Variants in BMERB1 observed in about 807,000 individuals in gnomAD.
BMERB1 encodes the protein bMERB domain containing 1, also known as bMERB domain-containing protein 1.
A neutral mutation model predicts 23.6 loss-of-function variants in BMERB1; 12 were observed. The observed-to-expected ratio is 0.51, with a 90% CI of 0.33 to 0.82. The LOEUF is 0.82. Among genes scored for constraint, BMERB1 ranks in the 40% least tolerant of loss-of-function variants. BMERB1 has a pLI of 0.03. For missense variants in BMERB1, 247 were observed against 255.4 expected, an observed-to-expected ratio of 0.97 and a Z score of 0.22; for synonymous variants, 122 against 96.6, an observed-to-expected ratio of 1.26 and a Z score of -1.54.
In BMERB1 at chr16:15,481,373, A is replaced by G. The variant is rs572731850; in HGVS notation, c.107-33932A>G. Among the ~76,000 whole-genome samples, 1,430 of 152,220 alleles carry G rather than the reference A, an allele frequency of 9.4e-3. 9 individuals are homozygous for G. The highest frequency in any genetic ancestry group is 0.017 in the Non-Finnish European group (1,176 of 68,000). On this transcript the variant is annotated intron_variant, in intron 1 of 5. Coordinates refer to ENST00000300006, the MANE Select transcript of BMERB1 (RefSeq NM_033201.3). ...AACCCCGTCTCTGCTAAAAATACAA[A>G]AAAATTAGCTGGGTGTGGTGGTGGG... is the stretch of plus-strand genomic sequence containing the variant.
At chr16:15,550,747 TGTA>T (rs2030065966) in intron 2 of BMERB1, among the ~76,000 whole-genome samples, 1 of 152,188 alleles carries the variant, frequency 6.6e-6, no homozygotes, top group Non-Finnish European at 1.5e-5. Context: ...GGCAGTCTGT[TGTA>T]GTGGCAATTG....
intron 1 of BMERB1, among the ~76,000 whole-genome samples, chr16:15,480,430 C>T (rs1481498251): frequency 4.0e-5 from 6 of 151,370 alleles, no homozygotes; most frequent in African/African-American, 1.5e-4. Context: ...ATTTTATTTT[C>T]ATTTTCTCAT....
chr16:15,560,820 TAAA>T (rs2030395541), intron 2 of BMERB1, among the ~76,000 whole-genome samples: 1 of 151,462 alleles, frequency 6.6e-6, no homozygotes, highest in Non-Finnish European at 1.5e-5. Flanking sequence ...AATAAATAAA[TAAA>T]AATAAAAACT....
Position 15,502,647 on chromosome 16 carries a change from G to C in BMERB1, c.107-12658G>C, listed in dbSNP as rs944534743. On this transcript the variant is annotated intron_variant, in intron 1 of 5. Transcript: ENST00000300006. Reference sequence around the variant, plus strand: ...ACAACGAAGTCTAGAGTGCCACCAGGAGCCTTTGAAATGCATTCAGATATT... The same window carrying C: ...ACAACGAAGTCTAGAGTGCCACCAGCAGCCTTTGAAATGCATTCAGATATT... Among the ~76,000 whole-genome samples the C allele has an allele frequency of 1.1e-4, 17 of 152,236 alleles. 1 individual carries two copies. The highest frequency in any genetic ancestry group is 6.8e-3 in the Middle Eastern group (2 of 294).
At chr16:15,479,665 C>T (rs1486965713) in intron 1 of BMERB1, among the ~76,000 whole-genome samples, 4 of 152,012 alleles carry the variant, frequency 2.6e-5, no homozygotes, top group Middle Eastern at 3.4e-3. Context: ...GACATTGAAA[C>T]GATTTGCAAA....
At position 15,486,201 on chromosome 16, in the gene BMERB1, C is replaced by CAAA. The variant is rs35607256; in HGVS notation, c.107-29089_107-29087dup. Among the ~76,000 whole-genome samples the CAAA allele has an allele frequency of 6.0e-4, 63 of 104,250 alleles. 1 individual carries two copies. The highest frequency in any genetic ancestry group is 1.1e-3 in the Admixed American group (11 of 10,466). 68.4% of individuals were successfully genotyped at this position (104,250 alleles called of 152,430 possible). A position where few individuals can be genotyped will look rare whatever the true frequency, so the allele number is the denominator to read the frequency against. ...TGGGCAACAGAGCAAGACTCCATCT[C>CAAA]AAAAAAAAAAAAAAAAAGCCAGGTT... On this transcript the variant is annotated intron_variant, in intron 1 of 5. Transcript: ENST00000300006.
At chr16:15,548,027 C>T (rs917104946) in intron 2 of BMERB1, among the ~76,000 whole-genome samples, 2 of 152,124 alleles carry the variant, frequency 1.3e-5, no homozygotes, top group East Asian at 3.9e-4. Flanking sequence ...GTTTGTCGCC[C>T]GGGCTGGAGC....
intron 5 of BMERB1, 21 bp downstream of exon 5, chr16:15,583,259 T>G: frequency 6.5e-7 from 1 of 1,533,706 alleles, no homozygotes; most frequent in Non-Finnish European, 9.0e-7. Context: ...ACATTATTCA[T>G]TCCCCTCCCC....
intron 1 of BMERB1, among the ~76,000 whole-genome samples, chr16:15,467,188 A>G (rs1318649019): frequency 6.6e-6 from 1 of 152,154 alleles, no homozygotes; most frequent in Admixed American, 6.6e-5. Context: ...ATAAGTTTTC[A>G]TTTCTCTGAG....
At chr16:15,555,301 T>G (rs2030221901) in intron 2 of BMERB1, among the ~76,000 whole-genome samples, 1 of 152,298 alleles carries the variant, frequency 6.6e-6, no homozygotes, top group East Asian at 1.9e-4. Context: ...CTCGAACTCC[T>G]GGACTCTATC....
chr16:15,516,593 T>TCACC (rs1393048171), intron 2 of BMERB1, among the ~76,000 whole-genome samples: 2 of 145,970 alleles, frequency 1.4e-5, no homozygotes, highest in African/African-American at 5.1e-5. Context: ...GCCTGTCAGC[T>TCACC]CACCCACCCA....
chr16:15,441,366 G>T lies in BMERB1; in HGVS notation c.106+6607G>T, dbSNP rs567244503. On this transcript the variant is annotated intron_variant, in intron 1 of 5. Coordinates refer to ENST00000300006, the MANE Select transcript of BMERB1 (RefSeq NM_033201.3). ...CCTGAGTAGCTGGAACTACAAGTTC[G>T]CATGCCTCTAGAGCCCATTAAAAAA... Among the ~76,000 whole-genome samples the T allele has an allele frequency of 5.3e-5, 8 of 150,710 alleles. No homozygotes were observed. The East Asian group carries it at 1.6e-3, about 29-fold the overall frequency.
chr16:15,570,223 G>T (rs2030688882), intron 3 of BMERB1, among the ~76,000 whole-genome samples: 1 of 152,156 alleles, frequency 6.6e-6, no homozygotes, highest in Admixed American at 6.5e-5. Context: ...CTGAACCTAG[G>T]AGCCGGGCTT....
intron 2 of BMERB1, among the ~76,000 whole-genome samples, chr16:15,519,087 A>ACACACACACACACG (rs1555510669): frequency 2.7e-5 from 4 of 146,772 alleles, no homozygotes; most frequent in African/African-American, 1.1e-4. Flanking sequence ...ACACACACAC[A>ACACACACACACACG]CACACACACA....
intron 1 of BMERB1, among the ~76,000 whole-genome samples, chr16:15,438,007 A>G (rs1006292858): frequency 6.6e-6 from 1 of 151,934 alleles, no homozygotes; most frequent in Non-Finnish European, 1.5e-5. Context: ...GTTTCAAACC[A>G]TCAAAGACTC....
chr16:15,568,101 GC>G (rs1282403190), intron 3 of BMERB1, 45 bp downstream of exon 3: 2 of 1,588,796 alleles, frequency 1.3e-6, no homozygotes, highest in African/African-American at 1.3e-5. Flanking sequence ...GTGCTTGGGG[GC>G]CCCCAGCCTG....
intron 1 of BMERB1, among the ~76,000 whole-genome samples, chr16:15,442,477 ATTAT>A (rs1180466232): frequency 2.0e-5 from 3 of 152,224 alleles, no homozygotes; most frequent in Admixed American, 1.3e-4. Context: ...AACAAGCCCA[ATTAT>A]TTACACAGTT....
chr16:15,468,162 T>TTTTTTTTTTTTTTTTTTC (rs57267276), intron 1 of BMERB1, among the ~76,000 whole-genome samples: 1 of 64,532 alleles, frequency 1.5e-5, no homozygotes, highest in African/African-American at 5.0e-5. Flanking sequence ...TTTTTTTTTT[T>TTTTTTTTTTTTTTTTTTC]TGAGGCAGGG....
intron 2 of BMERB1, among the ~76,000 whole-genome samples, chr16:15,519,263 T>G (rs567064541): frequency 6.6e-6 from 1 of 152,312 alleles, no homozygotes; most frequent in South Asian, 2.1e-4. Context: ...CGGTGAGATT[T>G]GTTTTGTCAC....
Sources: allele counts gnomAD v4.1 joint callset (sites outside exome capture counted in the v4.1 genomes callset), GRCh38; gene constraint gnomAD v4.1.1; transcripts MANE v1.5; gene names NCBI Gene and HGNC (gene_info 2026-07-23, HGNC 2026-07-21).